EGLN2: variants seen among roughly 807,000 people sequenced by gnomAD.
EGLN2 encodes prolyl hydroxylase EGLN2.
EGLN2 carries 15 observed loss-of-function variants against 38.2 expected under a neutral mutation model. The observed-to-expected ratio is 0.39, with a 90% CI of 0.26 to 0.60. The LOEUF (loss-of-function observed/expected upper bound fraction) is 0.60. EGLN2 is among the 20% of genes least tolerant of loss of function. The pLI is 0.50. For synonymous variants in EGLN2, 284 were observed against 237.4 expected (o/e 1.20, Z -1.81); for missense variants, 492 against 570.4 (o/e 0.86, Z 1.40).
At chr19:40,802,072 TC>T (rs1241823870) in intron 2 of EGLN2, among the ~76,000 whole-genome samples, 1 of 152,174 alleles carries the variant, frequency 6.6e-6, no homozygotes, top group Admixed American at 6.6e-5. Flanking sequence ...TTGCTGTCTG[TC>T]CCTGTCCACA....
intron 1 of EGLN2, 187 bp from the exon 2 acceptor site, chr19:40,800,152 G>C (rs2083242626): frequency 5.1e-6 from 1 of 195,206 alleles, no homozygotes; most frequent in African/African-American, 2.3e-5. Context: ...CCTCTTATCT[G>C]TCAGCGGACT....
At chr19:40,802,575 T>TG (rs1476707207) in intron 2 of EGLN2, among the ~76,000 whole-genome samples, 5 of 152,394 alleles carry the variant, frequency 3.3e-5, no homozygotes, top group Non-Finnish European at 7.3e-5. Context: ...TTAAGACAAA[T>TG]GCTCATTTGC....
At position 40,808,210 on chromosome 19, in the gene EGLN2, T is replaced by C; in HGVS notation, c.*346T>C. ...CCCACCAGGATGCAGGACTTGGGGT[T>C]GAGGTGAGTCATGGCCTCTTGCTGG... On this transcript the variant is annotated 3_prime_UTR_variant, in exon 6 of 6. Coordinates refer to ENST00000303961, the MANE Select transcript of EGLN2 (RefSeq NM_080732.4). 2.2e-6 allele frequency: 1 copy of C among 462,562 alleles called. No individual in the cohort carries two copies. The highest frequency in any genetic ancestry group is 3.8e-6 in the Non-Finnish European group (1 of 261,752). 28.7% of individuals were successfully genotyped at this position (462,562 alleles called of 1,614,324 possible).
chr19:40,808,209 T>A lies in EGLN2; in HGVS notation c.*345T>A. On this transcript the variant is annotated 3_prime_UTR_variant, in exon 6 of 6. Transcript: ENST00000303961. ...TCCCACCAGGATGCAGGACTTGGGG[T>A]TGAGGTGAGTCATGGCCTCTTGCTG... 1 of 461,634 alleles carries A rather than the reference T, an allele frequency of 2.2e-6. No homozygotes were observed. Among genetic ancestry groups the A allele is most frequent in the East Asian group, 3.3e-5 (1 of 30,180 alleles). The allele number at this position is 461,634 out of a possible 1,614,324, so 28.6% of individuals were successfully genotyped here.
chr19:40,806,985 G>A (rs1411354181), intron 3 of EGLN2, 153 bp from the exon 4 acceptor site: 3 of 1,198,578 alleles, frequency 2.5e-6, no homozygotes, highest in Non-Finnish European at 3.5e-6. Flanking sequence ...CCATGGTGAT[G>A]CAGTCTCTGG....
At chr19:40,802,836 T>A (rs2083272618) in intron 2 of EGLN2, among the ~76,000 whole-genome samples, 1 of 151,764 alleles carries the variant, frequency 6.6e-6, no homozygotes, top group Non-Finnish European at 1.5e-5. Flanking sequence ...CGGGCAGTGT[T>A]GTGCCCTGCA....
chr19:40,801,320 T>C lies in EGLN2; in HGVS notation c.748T>C (p.Cys250Arg), dbSNP rs546203968. 1 of 1,612,810 alleles carries C rather than the reference T, an allele frequency of 6.2e-7. No individual in the cohort carries two copies. Among genetic ancestry groups the C allele is most frequent in the South Asian group, 1.1e-5 (1 of 91,088 alleles). ...CTGGGTGGAAGGCCATGAACCAGGC[T>C]GTCGAAGCATTGGTGCCCTCATGGC... is the stretch of plus-strand genomic sequence containing the variant. ...IAWVEGHEPG[C>R]RSIGALMAHV... The change falls in exon 2 of 6, where the codon TGT becomes CGT. Residue 250 changes from cysteine (C) to arginine (R), a missense_variant. Cys to Arg is a radical substitution (Grantham distance 180). Coordinates refer to ENST00000303961, the MANE Select transcript of EGLN2 (RefSeq NM_080732.4).
intron 4 of EGLN2, 38 bp from the exon 5 acceptor site, chr19:40,807,446 A>C: frequency 6.2e-7 from 1 of 1,612,746 alleles, no homozygotes; most frequent in Non-Finnish European, 8.5e-7. Context: ...GGTAGCTGGA[A>C]TTGCAGAAAA....
chr19:40,807,208 A>G lies in EGLN2; in HGVS notation c.1034A>G (p.Asp345Gly), dbSNP rs2083310756. ...GTAGCCAACATCGAGCCACTCTTTG[A>G]CCGGTTGCTCATTTTCTGGTCTGAC... ...PVVANIEPLF[D>G]RLLIFWSDRR... The change falls in exon 4 of 6, where the codon GAC becomes GGC. Residue 345 changes from aspartate (D) to glycine (G), a missense_variant. Asp to Gly is a moderately conservative substitution (Grantham distance 94). This residue lies in a region of EGLN2 where 114 missense variants were observed against 184.2 expected (regional missense o/e 0.62). Coordinates refer to ENST00000303961, the MANE Select transcript of EGLN2 (RefSeq NM_080732.4). 6.2e-7 allele frequency: 1 copy of G among 1,613,954 alleles called. No individual in the cohort carries two copies. Among genetic ancestry groups the G allele is most frequent in the African/African-American group, 1.3e-5 (1 of 74,882 alleles).
intron 2 of EGLN2, among the ~76,000 whole-genome samples, chr19:40,803,447 C>T (rs952756288): frequency 6.6e-6 from 1 of 152,046 alleles, no homozygotes; most frequent in Non-Finnish European, 1.5e-5. Flanking sequence ...AGGAGCCCTC[C>T]CCTCCCCAGT....
At position 40,807,561 on chromosome 19, in the gene EGLN2, TC is replaced by T; in HGVS notation, c.1168+13del. ...GACAAGTATCAGCTAGGTACCTGCT[TC>T]CCTCCCTTCAGTCCTTCCTATTCTG... On this transcript the variant is annotated intron_variant, in intron 5 of 5. Transcript: ENST00000303961. 1 of 1,614,022 alleles carries T rather than the reference TC, an allele frequency of 6.2e-7. No individual in the cohort carries two copies. Among genetic ancestry groups the T allele is most frequent in the Non-Finnish European group, 8.5e-7 (1 of 1,179,916 alleles).
At chr19:40,806,207 T>G in intron 2 of EGLN2, 1 of 252,562 alleles carries the variant, frequency 4.0e-6, no homozygotes, top group Non-Finnish European at 8.0e-6. Flanking sequence ...CACCTGAAAA[T>G]GTTTAAATTG....
chr19:40,801,439 T>C, intron 2 of EGLN2, 24 bp downstream of exon 2: 1 of 1,589,072 alleles, frequency 6.3e-7, no homozygotes, highest in Non-Finnish European at 8.5e-7. Context: ...GGGGCCTCTT[T>C]GGAGGGGCTT....
intron 2 of EGLN2, among the ~76,000 whole-genome samples, chr19:40,802,557 A>G (rs1338955652): frequency 1.3e-5 from 2 of 152,262 alleles, no homozygotes; most frequent in Non-Finnish European, 2.9e-5. Flanking sequence ...GAGGCCACAG[A>G]TCCTCTCTTA....
At position 40,807,520 on chromosome 19, in the gene EGLN2, G is replaced by A; in HGVS notation, c.1137G>A (p.Glu379=). The stretch of plus-strand genomic sequence containing the variant: ...CTGTCTGGTATTTTGATGCCAAGGA[G>A]CGGGCAGCAGCCAAAGACAAGTATC... The part of the protein sequence containing the change: ...AITVWYFDAK[E]RAAAKDKYQL... Residue 379 remains glutamate, a synonymous_variant, in exon 5 of 6, where the codon GAG becomes GAA. Coordinates refer to ENST00000303961, the MANE Select transcript of EGLN2 (RefSeq NM_080732.4). The A allele has an allele frequency of 6.2e-7, 1 of 1,614,186 alleles. No homozygotes were observed. Among genetic ancestry groups the A allele is most frequent in the Non-Finnish European group, 8.5e-7 (1 of 1,180,014 alleles).
In EGLN2 at chr19:40,808,421, C is replaced by T. The variant is rs1354655903; in HGVS notation, c.*557C>T. The T allele has an allele frequency of 7.7e-6, 3 of 387,338 alleles. No individual in the cohort carries two copies. The highest frequency in any genetic ancestry group is 2.1e-5 in the African/African-American group (1 of 48,446). The allele number at this position is 387,338 out of a possible 1,614,324, so 24.0% of individuals were successfully genotyped here. On this transcript the variant is annotated 3_prime_UTR_variant, in exon 6 of 6. Coordinates refer to ENST00000303961, the MANE Select transcript of EGLN2 (RefSeq NM_080732.4). ...TGTCAGCCAAGAAATAAAAGTTTAC[C>T]TCAGAGCTGCACACATCTGACTCCA...
In EGLN2 at chr19:40,803,751, G is replaced by T. The variant is rs535901269; in HGVS notation, c.843+2336G>T. 6.6e-5 allele frequency among the ~76,000 whole-genome samples: 10 copies of T among 152,328 alleles called. No homozygotes were observed. The East Asian group carries it at 1.5e-3, about 23-fold the overall frequency. Reference sequence around the variant, plus strand: ...AAGGGCTACCAGAGGGGACCCCAGGGAGAGTCCAGCTTGCTTGGTTTGCTC... The same window carrying T: ...AAGGGCTACCAGAGGGGACCCCAGGTAGAGTCCAGCTTGCTTGGTTTGCTC... On this transcript the variant is annotated intron_variant, in intron 2 of 5. Transcript: ENST00000303961.
chr19:40,807,023 G>T lies in EGLN2; in HGVS notation c.964-115G>T, dbSNP rs2083308564. 4.0e-6 allele frequency: 6 copies of T among 1,495,808 alleles called. No individual in the cohort carries two copies. In the Admixed American group the frequency reaches 1.2e-4, roughly 29 times the overall value. The allele number at this position is 1,495,808 out of a possible 1,614,324, so 92.7% of individuals were successfully genotyped here. ...TGTCATTCACTTTGAGAGCCCGAGG[G>T]GTGGGAGGGAGTGATGCAGGCAGAC... On this transcript the variant is annotated intron_variant, in intron 3 of 5. Coordinates refer to ENST00000303961, the MANE Select transcript of EGLN2 (RefSeq NM_080732.4).
rs8111961 is a variant in EGLN2 at position 40,807,363 on chromosome 19, G to A, written c.1100+89G>A. On this transcript the variant is annotated intron_variant, in intron 4 of 5. Transcript: ENST00000303961. ...CTCAGAGTGACTAGGGAGCGACGAA[G>A]TATTGAGAGGGGGCCTAGGTGGGAG... is the stretch of plus-strand genomic sequence containing the variant. 3,790 of 1,605,284 alleles carry A rather than the reference G, an allele frequency of 2.4e-3. 98 individuals carry two copies. The African/African-American group carries it at 0.044, about 19-fold the overall frequency.
Sources: allele counts gnomAD v4.1 joint callset (sites outside exome capture counted in the v4.1 genomes callset), GRCh38; gene constraint gnomAD v4.1.1; regional missense constraint gnomAD v4.1.1; transcripts MANE v1.5; gene names NCBI Gene and HGNC (gene_info 2026-07-23, HGNC 2026-07-21).